TRIM49C: variants seen among roughly 807,000 people sequenced by gnomAD.
The protein encoded by TRIM49C is tripartite motif-containing protein 49C.
Under a neutral mutation model 21.4 loss-of-function variants are expected in TRIM49C, and 6 were observed. That is an observed-to-expected ratio of 0.28 (90% CI 0.15 to 0.55). The LOEUF (loss-of-function observed/expected upper bound fraction) is 0.55. Among genes scored for constraint, TRIM49C ranks in the 20% least tolerant of loss-of-function variants. The pLI, the probability that TRIM49C is intolerant of heterozygous loss-of-function variation, is 0.94. For synonymous variants in TRIM49C, 57 were observed against 148.1 expected, an observed-to-expected ratio of 0.38 and a Z score of 4.47; for missense variants, 161 against 442.4, an observed-to-expected ratio of 0.36 and a Z score of 5.71.
chr11:90,047,597 C>CT, the TRIM49C span, among the ~76,000 whole-genome samples: 3 of 103,370 alleles, frequency 2.9e-5, 1 homozygote, highest in African/African-American at 4.1e-5. Flanking sequence ...CAACCCCTGC[C>CT]TTTTTTTGTT....
downstream of TRIM49C, among the ~76,000 whole-genome samples, chr11:90,045,986 T>A (rs1950798955): frequency 8.2e-6 from 1 of 121,852 alleles, no homozygotes. Flanking sequence ...GGTTTTAGCA[T>A]GAAGGGCTGT....
the TRIM49C span, chr11:90,071,034 G>A: frequency 7.3e-4 from 328 of 451,874 alleles, 43 homozygotes; most frequent in African/African-American, 6.0e-3. Flanking sequence ...GACCTCAGGT[G>A]ATCCACCCAC....
chr11:90,049,910 T>G, the TRIM49C span: 7 of 124,958 alleles, frequency 5.6e-5, no homozygotes, highest in African/African-American at 2.2e-4. Flanking sequence ...CCAAGTTTGA[T>G]TTTTAAATGA....
chr11:90,067,510 A>C, the TRIM49C span, among the ~76,000 whole-genome samples: 4 of 147,576 alleles, frequency 2.7e-5, no homozygotes, highest in African/African-American at 1.0e-4. Context: ...AAGTCTTTGA[A>C]TGTTCACAAA....
chr11:90,031,464 A>G (rs1321045130), intron 1 of TRIM49C, among the ~76,000 whole-genome samples: 1 of 136,856 alleles, frequency 7.3e-6, no homozygotes, highest in East Asian at 2.2e-4. Context: ...TTTTTTAAAA[A>G]AAATAATTTT....
the TRIM49C span, among the ~76,000 whole-genome samples, chr11:90,060,502 A>T: frequency 6.6e-6 from 1 of 151,950 alleles, no homozygotes; most frequent in African/African-American, 2.4e-5. Context: ...GGAGTAAAGC[A>T]AAGATATCTA....
chr11:90,039,582 C>G (rs1462186857), intron 6 of TRIM49C, among the ~76,000 whole-genome samples: 2 of 131,024 alleles, frequency 1.5e-5, no homozygotes, highest in African/African-American at 5.5e-5. Context: ...AAGTGGAACT[C>G]AGAATTTCGT....
At chr11:90,046,965 G>T (rs535441498), downstream of TRIM49C, among the ~76,000 whole-genome samples, 1 of 124,628 alleles carries the variant, frequency 8.0e-6, no homozygotes, top group Non-Finnish European at 1.6e-5. Flanking sequence ...GCAGTGTGTT[G>T]TGTCTTTGTT....
At chr11:90,048,764 C>A in the TRIM49C span, among the ~76,000 whole-genome samples, 1 of 125,460 alleles carries the variant, frequency 8.0e-6, no homozygotes, top group African/African-American at 3.2e-5. Context: ...CTTCTCTCAA[C>A]TTGTCAAAAT....
rs554407997 is a variant in TRIM49C at position 90,036,846 on chromosome 11, G to A, written c.507+863G>A. 2.2e-5 allele frequency among the ~76,000 whole-genome samples: 3 copies of A among 137,888 alleles called. 1 individual carries two copies. The East Asian group carries it at 6.7e-4, about 31-fold the overall frequency. The allele number at this position is 137,888 out of a possible 152,430, so 90.5% of individuals were successfully genotyped here. Reference sequence around the variant, plus strand: ...TACATGATGTATTTGAGTGTGGTAGGTTTTTGTTGGAGAATAATCAAGCAG... The same window carrying A: ...TACATGATGTATTTGAGTGTGGTAGATTTTTGTTGGAGAATAATCAAGCAG... On this transcript the variant is annotated intron_variant, in intron 4 of 7. Transcript: ENST00000448984.
At chr11:90,053,709 C>G in the TRIM49C span, 1 of 147,056 alleles carries the variant, frequency 6.8e-6, no homozygotes, top group African/African-American at 2.5e-5. Flanking sequence ...CGCCACCCTG[C>G]GGCCGAGTCC....
At chr11:90,055,903 G>A in the TRIM49C span, among the ~76,000 whole-genome samples, 5 of 137,270 alleles carry the variant, frequency 3.6e-5, no homozygotes, top group South Asian at 2.4e-4. Flanking sequence ...TGCCCTAGGA[G>A]ATGTAGCTAT....
chr11:90,053,967 C>A, the TRIM49C span, among the ~76,000 whole-genome samples: 1 of 142,524 alleles, frequency 7.0e-6, no homozygotes, highest in African/African-American at 2.5e-5. Flanking sequence ...TTCAACTTTA[C>A]TCTTTTTTAA....
At chr11:90,056,010 T>G in the TRIM49C span, among the ~76,000 whole-genome samples, 1 of 129,846 alleles carries the variant, frequency 7.7e-6, no homozygotes, top group Non-Finnish European at 1.7e-5. Flanking sequence ...CCAGGCCGGA[T>G]TGCAGTGGCA....
chr11:90,034,178 G>C lies in TRIM49C; in HGVS notation c.-4-1030G>C, dbSNP rs369629421. 8.0e-4 allele frequency among the ~76,000 whole-genome samples: 94 copies of C among 117,522 alleles called. 18 individuals carry two copies. In the South Asian group the frequency reaches 0.027, roughly 33 times the overall value. 77.1% of individuals were successfully genotyped at this position (117,522 alleles called of 152,430 possible). A position where few individuals can be genotyped will look rare whatever the true frequency, so the allele number is the denominator to read the frequency against. ...AAGCTTCAGAACAAGTTTCAGGAGA[G>C]AGACGGAGGAAGTTGCCTTTTTTCT... is the stretch of plus-strand genomic sequence containing the variant. On this transcript the variant is annotated intron_variant, in intron 2 of 7. Coordinates refer to ENST00000448984, the MANE Select transcript of TRIM49C (RefSeq NM_001195234.1).
rs1470843131 is a variant in TRIM49C at position 90,033,680 on chromosome 11, G to A, written c.-5+1098G>A. Among the ~76,000 whole-genome samples, 12 of 135,296 alleles carry A rather than the reference G, an allele frequency of 8.9e-5. 2 individuals carry two copies. Among genetic ancestry groups the A allele is most frequent in the African/African-American group, 2.6e-4 (10 of 37,834 alleles). 88.8% of individuals were successfully genotyped at this position (135,296 alleles called of 152,430 possible). On this transcript the variant is annotated intron_variant, in intron 2 of 7. Coordinates refer to ENST00000448984, the MANE Select transcript of TRIM49C (RefSeq NM_001195234.1). ...ACCGCCTGGCTGGGCACTGTGGCGCGTGCCTATAATCCCAGCACTTTGCAA... is the reference window on the plus strand; with the variant it reads ...ACCGCCTGGCTGGGCACTGTGGCGCATGCCTATAATCCCAGCACTTTGCAA...
chr11:90,071,922 T>C, the TRIM49C span: 10 of 443,104 alleles, frequency 2.3e-5, 2 homozygotes, highest in South Asian at 2.3e-4. Flanking sequence ...TATTTACATT[T>C]ATAGTTTCAC....
the TRIM49C span, among the ~76,000 whole-genome samples, chr11:90,062,239 TAGAG>T: frequency 4.4e-5 from 6 of 135,814 alleles, no homozygotes; most frequent in African/African-American, 1.7e-4. Flanking sequence ...AGAAACATAA[TAGAG>T]AGTTTTAAGG....
chr11:90,033,036 G>A (rs1950698225), intron 2 of TRIM49C, among the ~76,000 whole-genome samples: 1 of 127,722 alleles, frequency 7.8e-6, no homozygotes, highest in African/African-American at 2.9e-5. Context: ...CAATGAGAAA[G>A]CTCCCCAAAA....
Sources: gnomAD v4.1 joint callset for allele counts (sites outside exome capture counted in the v4.1 genomes callset) on GRCh38, gnomAD v4.1.1 for gene constraint, MANE v1.5 for transcripts, NCBI Gene and HGNC (gene_info 2026-07-23, HGNC 2026-07-21) for gene names.